PRODH2: variants seen among roughly 807,000 people sequenced by gnomAD.
The protein encoded by PRODH2 is hydroxyproline dehydrogenase.
PRODH2 carries 49 observed loss-of-function variants against 51.9 expected under a neutral mutation model. The ratio of observed to expected loss-of-function variants is 0.94; its 90% CI spans 0.75 to 1.20. The LOEUF is 1.20. Ranked by LOEUF, PRODH2 falls within the 50% of genes most tolerant of loss-of-function variation. The pLI, the probability that PRODH2 is intolerant of heterozygous loss-of-function variation, is 0.00. For missense variants in PRODH2, 597 were observed against 610.9 expected (o/e 0.98, Z 0.24); for synonymous variants, 249 against 260.7 (o/e 0.96, Z 0.43).
intron 9 of PRODH2, among the ~76,000 whole-genome samples, chr19:35,800,828 G>T (rs1257605535): frequency 6.6e-5 from 10 of 152,000 alleles, no homozygotes; most frequent in Non-Finnish European, 1.2e-4. Flanking sequence ...GAATAGCTGG[G>T]ACCACAGGCA....
chr19:35,811,935 C>T (rs1249275518), intron 4 of PRODH2, 27 bp downstream of exon 4: 1 of 1,609,082 alleles, frequency 6.2e-7, no homozygotes. Context: ...GCACTCTGTC[C>T]CCGACAGTCC....
intron 3 of PRODH2, 35 bp from the exon 4 acceptor site, chr19:35,812,083 G>A (rs1464191497): frequency 1.9e-6 from 3 of 1,613,722 alleles, no homozygotes; most frequent in Non-Finnish European, 1.7e-6. Context: ...GGTGAGGGGA[G>A]CCCGATGGGC....
rs752901849 is a variant in PRODH2 at position 35,812,537 on chromosome 19, C to G, written c.194G>C (p.Arg65Pro). 6.2e-7 allele frequency: 1 copy of G among 1,613,932 alleles called. No individual in the cohort carries two copies. The highest frequency in any genetic ancestry group is 8.5e-7 in the Non-Finnish European group (1 of 1,179,884). Residue 65 changes from arginine to proline, a missense_variant, in exon 2 of 10, where the codon CGA (arginine) becomes CCA (proline). Coordinates refer to ENST00000653904, the MANE Select transcript of PRODH2 (RefSeq NM_021232.2). ...GCCTGAGAGCCGGGAGCCCAGGAGT[C>G]GCCGAGACCAGGCCTGGAGCTGGGT... ...HGLLLQAWSRRLLGSRLSGAF... is the reference protein window; with the variant it reads ...HGLLLQAWSRPLLGSRLSGAF...
intron 4 of PRODH2, among the ~76,000 whole-genome samples, chr19:35,809,949 A>ACTCTGTC (rs1200823408): frequency 3.7e-5 from 3 of 81,090 alleles, no homozygotes; most frequent in East Asian, 4.1e-4. Context: ...ACAGAGCCAG[A>ACTCTGTC]TGCCGCTTCA....
intron 4 of PRODH2, among the ~76,000 whole-genome samples, chr19:35,809,273 T>C (rs748922073): frequency 5.3e-5 from 8 of 152,130 alleles, no homozygotes; most frequent in Non-Finnish European, 8.8e-5. Flanking sequence ...TAAAGGAATT[T>C]TTTGTAGAGA....
At position 35,805,516 on chromosome 19, in the gene PRODH2, C is replaced by T. The variant is rs141851824; in HGVS notation, c.1001+914G>A. On this transcript the variant is annotated intron_variant, in intron 7 of 9. Transcript: ENST00000653904. ...TCCTGACCTCAGGTGATCTGCCTGC[C>T]TCAGCCTCCCAAAGTGCCGGGATTA... 7.4e-3 allele frequency among the ~76,000 whole-genome samples: 1,125 copies of T among 152,284 alleles called. 5 individuals are homozygous for T. Among genetic ancestry groups the T allele is most frequent in the Middle Eastern group, 0.017 (5 of 294 alleles).
rs1401309424 is a variant in PRODH2 at position 35,812,801 on chromosome 19, A to T, written c.5T>A (p.Leu2His). ...GGAACAGAGCACGTAACAGGTCCGG[A>T]GCATCCTGGGTCCCTGGCTGCCTCC... M[L>H]RTCYVLCSQA... Residue 2 changes from leucine (L) to histidine (H), a missense_variant, in exon 1 of 10, where the codon CTC (leucine) becomes CAC (histidine). Transcript: ENST00000653904. 1.9e-6 allele frequency: 3 copies of T among 1,589,578 alleles called. No individual in the cohort carries two copies. Among genetic ancestry groups the T allele is most frequent in the Non-Finnish European group, 2.6e-6 (3 of 1,164,862 alleles).
intron 7 of PRODH2, among the ~76,000 whole-genome samples, chr19:35,804,047 C>T (rs764120092): frequency 2.0e-5 from 3 of 152,168 alleles, no homozygotes; most frequent in Non-Finnish European, 4.4e-5. Context: ...GTGTGGGTGT[C>T]TCACCTCGGC....
In PRODH2 at chr19:35,800,108, C is replaced by T; in HGVS notation, c.1313G>A (p.Arg438Lys). ...TTCTTGGCTGAGCAGCTCCTGTTCCCTGCGGGCACCCTGAAGCACGCTCCG... is the reference window on the plus strand; with the variant it reads ...TTCTTGGCTGAGCAGCTCCTGTTCCTTGCGGGCACCCTGAAGCACGCTCCG... ...ENRSVLQGAR[R>K]EQELLSQELW... Residue 438 changes from arginine (R) to lysine (K), a missense_variant, in exon 10 of 10, where the codon AGG (arginine) becomes AAG (lysine). By Grantham distance (26) the Arg-to-Lys change is conservative (BLOSUM62 2). Coordinates refer to ENST00000653904, the MANE Select transcript of PRODH2 (RefSeq NM_021232.2). 2 of 1,611,086 alleles carry T rather than the reference C, an allele frequency of 1.2e-6. No individual in the cohort carries two copies. Among genetic ancestry groups the T allele is most frequent in the African/African-American group, 1.3e-5 (1 of 74,996 alleles).
At chr19:35,809,973 A>AAAAAAAAAAC (rs1972580370) in intron 4 of PRODH2, among the ~76,000 whole-genome samples, 1 of 140,614 alleles carries the variant, frequency 7.1e-6, no homozygotes, top group Non-Finnish European at 1.5e-5. Flanking sequence ...AAAAAAAAAA[A>AAAAAAAAAAC]AAAAAAAAAA....
At chr19:35,802,926 T>C (rs1294353445) in intron 8 of PRODH2, 42 bp downstream of exon 8, 31 of 1,409,864 alleles carry the variant, frequency 2.2e-5, no homozygotes, top group Non-Finnish European at 2.9e-5. Flanking sequence ...GGGAGGGCCC[T>C]TTTGTGGGCA....
intron 8 of PRODH2, chr19:35,802,487 A>G (rs1315657521): frequency 1.7e-6 from 1 of 600,588 alleles, no homozygotes; most frequent in African/African-American, 1.9e-5. Flanking sequence ...CTCATGCCCC[A>G]GCAAATAAGG....
At chr19:35,802,679 C>A (rs1053714018) in intron 8 of PRODH2, among the ~76,000 whole-genome samples, 2 of 151,678 alleles carry the variant, frequency 1.3e-5, no homozygotes, top group African/African-American at 2.4e-5. Context: ...CTTCCACCTC[C>A]GGAATAGCTG....
chr19:35,809,953 C>T (rs1159642841), intron 4 of PRODH2, among the ~76,000 whole-genome samples: 2 of 22,434 alleles, frequency 8.9e-5, no homozygotes, highest in Non-Finnish European at 1.8e-4. Context: ...AGCCAGATGC[C>T]GCTTCAAAAA....
chr19:35,806,764 A>G lies in PRODH2; in HGVS notation c.745T>C (p.Ser249Pro). The change falls in exon 6 of 10, where the codon TCG becomes CCG. Residue 249 changes from serine (S) to proline (P), a missense_variant. Ser to Pro is a moderately conservative substitution (Grantham distance 74). Transcript: ENST00000653904. ...ACAGCCAGGGCAGCCACCAGCAGCG[A>G]GAGCGCAGGGTTCAGTGAGGTGTAC... ...AEYTSLNPAL[S>P]LLVAALAVRW... 1 of 1,613,706 alleles carries G rather than the reference A, an allele frequency of 6.2e-7. No individual in the cohort carries two copies. Among genetic ancestry groups the G allele is most frequent in the Non-Finnish European group, 8.5e-7 (1 of 1,179,842 alleles).
chr19:35,805,875 G>A (rs1264219680), intron 7 of PRODH2, among the ~76,000 whole-genome samples: 1 of 152,152 alleles, frequency 6.6e-6, no homozygotes, highest in Non-Finnish European at 1.5e-5. Flanking sequence ...GGAGGTGAGG[G>A]ATGGGGCCAT....
chr19:35,805,824 C>T (rs1441620744), intron 7 of PRODH2, among the ~76,000 whole-genome samples: 1 of 152,136 alleles, frequency 6.6e-6, no homozygotes, highest in African/African-American at 2.4e-5. Context: ...TGGCTGAGTC[C>T]CTGTGGCCCC....
chr19:35,806,320 G>T, intron 7 of PRODH2, 110 bp downstream of exon 7: 1 of 1,384,468 alleles, frequency 7.2e-7, no homozygotes, highest in Non-Finnish European at 1.0e-6. Context: ...CTGCTCTCAA[G>T]TGAATCTCTA....
chr19:35,810,939 C>T (rs1161072162), intron 4 of PRODH2, among the ~76,000 whole-genome samples: 3 of 152,124 alleles, frequency 2.0e-5, no homozygotes, highest in Admixed American at 6.6e-5. Flanking sequence ...AAAAAAAGTA[C>T]TGCGAATAAT....
Sources: allele counts gnomAD v4.1 joint callset (sites outside exome capture counted in the v4.1 genomes callset), GRCh38; gene constraint gnomAD v4.1.1; transcripts MANE v1.5; gene names NCBI Gene and HGNC (gene_info 2026-07-23, HGNC 2026-07-21).